BARD1: variants seen among roughly 807,000 people sequenced by gnomAD.
BARD1 encodes BRCA1-associated RING domain protein 1.
A neutral mutation model predicts 77.0 loss-of-function variants in BARD1; 73 were observed. The ratio of observed to expected loss-of-function variants is 0.95; its 90% CI spans 0.79 to 1.15. The LOEUF (loss-of-function observed/expected upper bound fraction) is 1.15. Ranked by LOEUF, BARD1 falls within the 50% of genes most tolerant of loss-of-function variation. The pLI is 0.00. For synonymous variants in BARD1, 384 were observed against 338.0 expected (o/e 1.14, Z -1.49); for missense variants, 993 against 938.8 (o/e 1.06, Z -0.75).
intron 3 of BARD1, among the ~76,000 whole-genome samples, chr2:214,784,295 T>C (rs1161903309): frequency 6.6e-6 from 1 of 151,980 alleles, no homozygotes; most frequent in Non-Finnish European, 1.5e-5. Context: ...ATCATCATCA[T>C]TAGACAAATG....
intron 6 of BARD1, among the ~76,000 whole-genome samples, chr2:214,759,942 A>G (rs1026432573): frequency 3.9e-5 from 6 of 152,152 alleles, no homozygotes; most frequent in African/African-American, 1.4e-4. Flanking sequence ...CCCTCCACCA[A>G]TATTCAATAG....
At chr2:214,737,596 T>C (rs1368364615) in intron 9 of BARD1, among the ~76,000 whole-genome samples, 1 of 152,120 alleles carries the variant, frequency 6.6e-6, no homozygotes, top group Non-Finnish European at 1.5e-5. Flanking sequence ...ACTGAACCTT[T>C]TTTTAAGACA....
chr2:214,779,042 CAG>C (rs1213077137), intron 4 of BARD1, among the ~76,000 whole-genome samples: 1 of 152,190 alleles, frequency 6.6e-6, no homozygotes, highest in South Asian at 2.1e-4. Flanking sequence ...ATATATATAA[CAG>C]AGATGACAAA....
chr2:214,774,930 A>C (rs573274702), intron 4 of BARD1, among the ~76,000 whole-genome samples: 41 of 152,206 alleles, frequency 2.7e-4, no homozygotes, highest in African/African-American at 9.9e-4. Flanking sequence ...CTAGCTTCCA[A>C]CTTTTCTTCT....
intron 9 of BARD1, among the ~76,000 whole-genome samples, chr2:214,737,712 AC>A (rs1692629066): frequency 6.6e-6 from 1 of 152,200 alleles, no homozygotes; most frequent in East Asian, 1.9e-4. Context: ...GGAAGAATCT[AC>A]CAGCCAAACA....
chr2:214,760,797 T>G (rs1693921331), intron 6 of BARD1, among the ~76,000 whole-genome samples: 1 of 149,962 alleles, frequency 6.7e-6, no homozygotes, highest in African/African-American at 2.5e-5. Flanking sequence ...TTTTTTTAGA[T>G]GGAGTCTCGC....
At chr2:214,798,880 A>G (rs1239836209) in intron 1 of BARD1, among the ~76,000 whole-genome samples, 1 of 151,590 alleles carries the variant, frequency 6.6e-6, no homozygotes, top group Non-Finnish European at 1.5e-5. Context: ...GCACTTTGGG[A>G]GGCCGAGGTG....
intron 6 of BARD1, among the ~76,000 whole-genome samples, chr2:214,753,744 G>T (rs1215765046): frequency 1.3e-5 from 2 of 152,140 alleles, no homozygotes; most frequent in Non-Finnish European, 2.9e-5. Context: ...TGATGGCAGA[G>T]TGGGAAAAGA....
intron 1 of BARD1, among the ~76,000 whole-genome samples, chr2:214,805,022 T>G (rs13392855): frequency 0.36 from 54,358 of 151,874 alleles, 9,872 homozygotes; most frequent in East Asian, 0.47. Flanking sequence ...TTAGCCGGGT[T>G]TGGTGGCGCT....
In BARD1 at chr2:214,750,835, C is replaced by G. The variant is rs116347344; in HGVS notation, c.1677+1612G>C. 7.2e-5 allele frequency among the ~76,000 whole-genome samples: 11 copies of G among 151,888 alleles called. No individual in the cohort carries two copies. The East Asian group carries it at 9.7e-4, about 13-fold the overall frequency. On this transcript the variant is annotated intron_variant, in intron 7 of 10. Coordinates refer to ENST00000260947, the MANE Select transcript of BARD1 (RefSeq NM_000465.4). The stretch of plus-strand genomic sequence containing the variant: ...AGGAAACTTCTTAGTGAGGACAAAT[C>G]CCCCAAACTGAGGATGGCAAGGTAA...
chr2:214,798,306 C>T (rs1695851188), intron 1 of BARD1, among the ~76,000 whole-genome samples: 1 of 152,030 alleles, frequency 6.6e-6, no homozygotes, highest in Non-Finnish European at 1.5e-5. Context: ...AAAAACTCAC[C>T]ATGTCTGATT....
intron 6 of BARD1, among the ~76,000 whole-genome samples, chr2:214,756,709 T>C (rs767388306): frequency 6.6e-6 from 1 of 152,200 alleles, no homozygotes; most frequent in Non-Finnish European, 1.5e-5. Flanking sequence ...ACTATTATTC[T>C]AGGTGACGTA....
rs75361400 is a variant in BARD1, at chr2:214,788,547, A to G, written c.364+3750T>C. 8.2e-4 allele frequency among the ~76,000 whole-genome samples: 125 copies of G among 152,204 alleles called. 2 individuals are homozygous for G. The East Asian group carries it at 0.018, about 22-fold the overall frequency. The stretch of plus-strand genomic sequence containing the variant: ...CCCACCTTAATTACAGTAATTATAT[A>G]TATTATAGTAAATGCAAGTAACAAG... On this transcript the variant is annotated intron_variant, in intron 3 of 10. Coordinates refer to ENST00000260947, the MANE Select transcript of BARD1 (RefSeq NM_000465.4).
In BARD1 at chr2:214,727,130, G is replaced by C. The variant is rs1446665422; in HGVS notation, c.*1546C>G. 9.2e-6 allele frequency: 2 copies of C among 217,044 alleles called. No homozygotes were observed. Among genetic ancestry groups the C allele is most frequent in the Non-Finnish European group, 1.9e-5 (2 of 107,856 alleles). 13.4% of individuals were successfully genotyped at this position (217,044 alleles called of 1,614,324 possible). A position where few individuals can be genotyped will look rare whatever the true frequency, so the allele number is the denominator to read the frequency against. On this transcript the variant is annotated 3_prime_UTR_variant, in exon 11 of 11. Transcript: ENST00000260947. ...TGGGACAAATGCATTACTGGTTGTA[G>C]AGAGTGTTTCAGAGCTAATTCACCC...
In BARD1 at chr2:214,781,484, T is replaced by G. The variant is rs554652893; in HGVS notation, c.390A>C (p.Lys130Asn). The change falls in exon 4 of 11, where the codon AAA (lysine) becomes AAC (asparagine). Residue 130 changes from lysine to asparagine, a missense_variant. Physicochemically the swap from Lys to Asn is moderately conservative, Grantham distance 94. Coordinates refer to ENST00000260947, the MANE Select transcript of BARD1 (RefSeq NM_000465.4). ...LSDLKEDKPR[K>N]SLFNDAGNKK... ...TGTTTCCTGCATCATTAAACAAACTTTTCCTAGGTTTATCTTCTTTCAAAT... is the reference window on the plus strand; with the variant it reads ...TGTTTCCTGCATCATTAAACAAACTGTTCCTAGGTTTATCTTCTTTCAAAT... The G allele has an allele frequency of 1.2e-6, 2 of 1,611,604 alleles. No individual in the cohort carries two copies. The highest frequency in any genetic ancestry group is 1.7e-6 in the Non-Finnish European group (2 of 1,179,336).
intron 9 of BARD1, among the ~76,000 whole-genome samples, chr2:214,736,870 G>T: frequency 6.6e-6 from 1 of 152,108 alleles, no homozygotes; most frequent in South Asian, 2.1e-4. Flanking sequence ...CAATGATTGA[G>T]TTAAACAAAT....
Position 214,725,955 on chromosome 2 carries a change from A to C in BARD1, c.*2721T>G, listed in dbSNP as rs908876443. 1 of 225,074 alleles carries C rather than the reference A, an allele frequency of 4.4e-6. No homozygotes were observed. Among genetic ancestry groups the C allele is most frequent in the Non-Finnish European group, 8.9e-6 (1 of 112,954 alleles). 13.9% of individuals were successfully genotyped at this position (225,074 alleles called of 1,614,324 possible). A position where few individuals can be genotyped will look rare whatever the true frequency, so the allele number is the denominator to read the frequency against. ...CCCACTCTCACCTGTGAATCGTCTTATTCCCACAGGAAACATCAAACCTCC... is the reference window on the plus strand; with the variant it reads ...CCCACTCTCACCTGTGAATCGTCTTCTTCCCACAGGAAACATCAAACCTCC... On this transcript the variant is annotated 3_prime_UTR_variant, in exon 11 of 11. Coordinates refer to ENST00000260947, the MANE Select transcript of BARD1 (RefSeq NM_000465.4).
chr2:214,758,063 G>T (rs1459982841), intron 6 of BARD1, among the ~76,000 whole-genome samples: 2 of 152,152 alleles, frequency 1.3e-5, no homozygotes, highest in Non-Finnish European at 2.9e-5. Flanking sequence ...GTGTTAAAGA[G>T]TTGGACTTCC....
intron 9 of BARD1, among the ~76,000 whole-genome samples, chr2:214,740,901 TG>T (rs1187806942): frequency 4.6e-4 from 69 of 151,312 alleles, no homozygotes; most frequent in Admixed American, 1.2e-3. Context: ...TTTATACGAA[TG>T]TTTTTTTTTA....
Sources: allele counts gnomAD v4.1 joint callset (sites outside exome capture counted in the v4.1 genomes callset), GRCh38; gene constraint gnomAD v4.1.1; transcripts MANE v1.5; gene names NCBI Gene and HGNC (gene_info 2026-07-23, HGNC 2026-07-21).